The following HTT variants were observed in gnomAD, a reference collection of about 807,000 sequenced individuals.
The protein encoded by HTT is huntington disease protein.
A neutral mutation model predicts 362.3 loss-of-function variants in HTT; 104 were observed. That is an observed-to-expected ratio of 0.29 (90% CI 0.24 to 0.34). The LOEUF (loss-of-function observed/expected upper bound fraction) is 0.34, where lower values mean the gene tolerates loss of function less well. HTT is among the 10% of genes least tolerant of loss of function. HTT has a pLI of 1.00. For missense variants in HTT, 3,301 were observed against 3,928.6 expected (o/e 0.84, Z 4.27); for synonymous variants, 1,577 against 1,548.7 (o/e 1.02, Z -0.43).
intron 4 of HTT, 95 bp downstream of exon 4, chr4:3,103,978 G>T: frequency 1.4e-6 from 1 of 723,888 alleles, no homozygotes; most frequent in East Asian, 2.7e-5. Context: ...TATATTTATG[G>T]GGTACATGAG....
In HTT at chr4:3,131,281, T is replaced by C. The variant is rs771581797; in HGVS notation, c.1987-5T>C. 6.2e-7 allele frequency: 1 copy of C among 1,604,928 alleles called. No individual in the cohort carries two copies. The highest frequency in any genetic ancestry group is 1.7e-5 in the Admixed American group (1 of 60,010). The stretch of plus-strand genomic sequence containing the variant: ...GACAAACAAGTGTCATTGTCTCCTT[T>C]CTAGCCTTGCCGCATCAAAGGTGAC... On this transcript the variant is annotated splice_region_variant and splice_polypyrimidine_tract_variant and intron_variant, in intron 14 of 66. Coordinates refer to ENST00000355072, the MANE Select transcript of HTT (RefSeq NM_001388492.1).
rs557910909 is a variant in HTT, at chr4:3,191,418, C to T, written c.5368+2325C>T. ...AACTCCTGACCTCAGGTGATCCACCCGCCTCGGCCTCCCAAAGTGCTGGGA... is the reference window on the plus strand; with the variant it reads ...AACTCCTGACCTCAGGTGATCCACCTGCCTCGGCCTCCCAAAGTGCTGGGA... On this transcript the variant is annotated intron_variant, in intron 40 of 66. Coordinates refer to ENST00000355072, the MANE Select transcript of HTT (RefSeq NM_001388492.1). Among the ~76,000 whole-genome samples, 59 of 152,180 alleles carry T rather than the reference C, an allele frequency of 3.9e-4. 1 individual carries two copies. Among genetic ancestry groups the T allele is most frequent in the South Asian group, 1.5e-3 (7 of 4,814 alleles).
At chr4:3,207,027 TAGC>T (rs2110269985) in intron 44 of HTT, 44 bp downstream of exon 44, 2 of 1,554,766 alleles carry the variant, frequency 1.3e-6, no homozygotes, top group Non-Finnish European at 1.7e-6. Context: ...ATTGAAAATT[TAGC>T]AGGCCAAGCA....
intron 57 of HTT, among the ~76,000 whole-genome samples, chr4:3,226,526 G>A (rs1337084579): frequency 2.6e-5 from 4 of 152,212 alleles, no homozygotes; most frequent in South Asian, 4.1e-4. Flanking sequence ...GGCACATGGC[G>A]TGGAGCCCTA....
intron 23 of HTT, 104 bp downstream of exon 23, chr4:3,142,990 C>T (rs1350614197): frequency 2.4e-6 from 2 of 822,946 alleles, no homozygotes; most frequent in Non-Finnish European, 3.9e-6. Flanking sequence ...GCTTGTCTTA[C>T]AGCTCTTACT....
At chr4:3,135,869 A>G in intron 19 of HTT, 35 bp from the exon 20 acceptor site, 1 of 1,558,626 alleles carries the variant, frequency 6.4e-7, no homozygotes, top group East Asian at 2.3e-5. Flanking sequence ...CTGAGTAACT[A>G]AATGATTTCA....
intron 29 of HTT, among the ~76,000 whole-genome samples, chr4:3,167,060 C>T (rs530709569): frequency 2.0e-5 from 3 of 152,198 alleles, no homozygotes; most frequent in South Asian, 2.1e-4. Context: ...TGTTCCTATT[C>T]GGCCATTTTG....
In HTT at chr4:3,172,960, C is replaced by T; in HGVS notation, c.3995C>T (p.Ser1332Phe). The change falls in exon 31 of 67, where the codon TCT becomes TTT. Residue 1332 changes from serine to phenylalanine, a missense_variant. Physicochemically the swap from Ser to Phe is radical, Grantham distance 155 (BLOSUM62 -2). Transcript: ENST00000355072. ...TNLASQFDGL[S>F]SNPSKSQGRA... ...TTGGCCTCCCAGTTTGATGGCTTAT[C>T]TTCCAACCCCAGCAAGTCACAAGGC... 1 of 1,614,218 alleles carries T rather than the reference C, an allele frequency of 6.2e-7. No individual in the cohort carries two copies. The highest frequency in any genetic ancestry group is 8.5e-7 in the Non-Finnish European group (1 of 1,180,042).
intron 50 of HTT, among the ~76,000 whole-genome samples, chr4:3,214,709 C>A (rs1377402438): frequency 6.6e-6 from 1 of 151,888 alleles, no homozygotes; most frequent in East Asian, 1.9e-4. Flanking sequence ...TTTCATGTTT[C>A]ATAATTGTTT....
chr4:3,238,698 A>T (rs1425335880), intron 65 of HTT, 89 bp downstream of exon 65: 1 of 1,474,834 alleles, frequency 6.8e-7, no homozygotes, highest in Non-Finnish European at 9.2e-7. Flanking sequence ...AGCAGAGCCC[A>T]GCTCCTCCGC....
intron 22 of HTT, among the ~76,000 whole-genome samples, chr4:3,142,051 C>T (rs1354320979): frequency 3.3e-5 from 5 of 152,206 alleles, no homozygotes; most frequent in Non-Finnish European, 7.3e-5. Flanking sequence ...TTACTAACTA[C>T]TACTTGGAAA....
chr4:3,127,458 A>G lies in HTT; in HGVS notation c.1597A>G (p.Ser533Gly). ...DGDEEDILSH[S>G]SSQVSAVPSD... The stretch of plus-strand genomic sequence containing the variant: ...GGATGAGGAGGATATCTTGAGCCAC[A>G]GCTCCAGCCAGGTCAGCGCCGTCCC... Residue 533 changes from serine to glycine, a missense_variant, in exon 12 of 67, where the codon AGC becomes GGC. By Grantham distance (56) the Ser-to-Gly change is moderately conservative. Coordinates refer to ENST00000355072, the MANE Select transcript of HTT (RefSeq NM_001388492.1). 1 of 1,614,202 alleles carries G rather than the reference A, an allele frequency of 6.2e-7. No individual in the cohort carries two copies. The highest frequency in any genetic ancestry group is 1.6e-4 in the Middle Eastern group (1 of 6,062).
intron 26 of HTT, among the ~76,000 whole-genome samples, chr4:3,150,853 G>A (rs890591850): frequency 6.6e-6 from 1 of 152,104 alleles, no homozygotes; most frequent in African/African-American, 2.4e-5. Flanking sequence ...CGGCTCACAC[G>A]GTGAAACCCC....
Position 3,217,789 on chromosome 4 carries a change from G to C in HTT, c.7079G>C (p.Cys2360Ser). 1 of 1,613,996 alleles carries C rather than the reference G, an allele frequency of 6.2e-7. No homozygotes were observed. The highest frequency in any genetic ancestry group is 8.5e-7 in the Non-Finnish European group (1 of 1,179,922). ...TQNPKYITAA[C>S]EMVAEMVESL... ...GATCCTAAGTATATCACTGCAGCCT[G>C]TGAGATGGTGGCAGAAATGGTGGAG... is the stretch of plus-strand genomic sequence containing the variant. The change falls in exon 52 of 67, where the codon TGT becomes TCT. Residue 2360 changes from cysteine to serine, a missense_variant. Physicochemically the swap from Cys to Ser is moderately radical, Grantham distance 112. Transcript: ENST00000355072.
chr4:3,097,475 T>TA (rs977845562), intron 2 of HTT, among the ~76,000 whole-genome samples: 2 of 152,034 alleles, frequency 1.3e-5, no homozygotes, highest in African/African-American at 2.4e-5. Context: ...CTACTAAAAA[T>TA]ACAAAAATTA....
At chr4:3,137,390 C>A (rs150651152) in intron 21 of HTT, among the ~76,000 whole-genome samples, 258 of 152,252 alleles carry the variant, frequency 1.7e-3, no homozygotes, top group Non-Finnish European at 2.7e-3. Flanking sequence ...GGCAGCCACT[C>A]ATCTATTTTC....
intron 28 of HTT, 38 bp from the exon 29 acceptor site, chr4:3,160,244 G>A (rs1451866277): frequency 7.7e-7 from 1 of 1,294,078 alleles, no homozygotes; most frequent in Non-Finnish European, 1.1e-6. Flanking sequence ...ATCGTGACAG[G>A]GCCAGTAACC....
chr4:3,146,902 C>G lies in HTT; in HGVS notation c.3249C>G (p.Leu1083=), dbSNP rs752476017. The G allele has an allele frequency of 4.3e-6, 7 of 1,614,046 alleles. No homozygotes were observed. Among genetic ancestry groups the G allele is most frequent in the Admixed American group, 1.7e-5 (1 of 59,996 alleles). ...LLSSAWFPLD[L]SAHQDALILA... is the part of the protein sequence containing the mutation. The stretch of plus-strand genomic sequence containing the variant: ...CGTCAGCTTGGTTCCCATTGGATCT[C>G]TCAGCCCATCAAGATGCTTTGATTT... Residue 1083 remains leucine (L), a synonymous_variant, in exon 25 of 67, where the codon CTC becomes CTG. Coordinates refer to ENST00000355072, the MANE Select transcript of HTT (RefSeq NM_001388492.1).
At chr4:3,101,245 G>C (rs1714138657) in intron 3 of HTT, among the ~76,000 whole-genome samples, 1 of 152,146 alleles carries the variant, frequency 6.6e-6, no homozygotes, top group South Asian at 2.1e-4. Context: ...CAGTGGCTTG[G>C]TGTGTGTCTG....
Sources: gnomAD v4.1 joint callset for allele counts (sites outside exome capture counted in the v4.1 genomes callset) on GRCh38, gnomAD v4.1.1 for gene constraint, MANE v1.5 for transcripts, NCBI Gene and HGNC (gene_info 2026-07-23, HGNC 2026-07-21) for gene names.